Variants in PCDHA8 observed in about 807,000 individuals in gnomAD.
The protein encoded by PCDHA8 is protocadherin alpha-8.
PCDHA8 carries 53 observed loss-of-function variants against 61.8 expected under a neutral mutation model. The observed-to-expected ratio is 0.86, with a 90% CI of 0.69 to 1.08. PCDHA8 has a LOEUF of 1.08. Among genes scored for constraint, PCDHA8 ranks in the 50% least tolerant of loss-of-function variants. PCDHA8 has a pLI of 0.00. For synonymous variants in PCDHA8, 618 were observed against 556.6 expected, an observed-to-expected ratio of 1.11 and a Z score of -1.55; for missense variants, 1,293 against 1,245.0, an observed-to-expected ratio of 1.04 and a Z score of -0.58.
intron 1 of PCDHA8, among the ~76,000 whole-genome samples, chr5:140,941,202 C>CCTTTCTTCCTTTCTTTCTTTCTTT (rs1394736170): frequency 4.2e-3 from 519 of 122,694 alleles, no homozygotes; most frequent in African/African-American, 7.8e-3. Flanking sequence ...TTTCTTTCTT[C>CCTTTCTTCCTTTCTTTCTTTCTTT]CTTTCTTTCT....
chr5:141,007,775 A>G (rs1156577699), intron 3 of PCDHA8, among the ~76,000 whole-genome samples: 2 of 152,216 alleles, frequency 1.3e-5, no homozygotes, highest in Non-Finnish European at 2.9e-5. Context: ...TGGAAATGGT[A>G]CTGCTTTACA....
intron 1 of PCDHA8, among the ~76,000 whole-genome samples, chr5:140,920,983 T>C (rs1472212249): frequency 6.6e-6 from 1 of 152,106 alleles, no homozygotes; most frequent in Non-Finnish European, 1.5e-5. Context: ...AATATTGTAT[T>C]TGCTTATTTT....
chr5:141,009,874 G>A lies in PCDHA8; in HGVS notation c.2790G>A (p.Lys930=), dbSNP rs1554262519. The A allele has an allele frequency of 6.2e-7, 1 of 1,613,836 alleles. No individual in the cohort carries two copies. Among genetic ancestry groups the A allele is most frequent in the African/African-American group, 1.3e-5 (1 of 74,824 alleles). ...CCAAGAAAAAGAAGAAAAAGAAGAA[G>A]GGTAACAAGACCCAGGAGAAAAAAG... ...EETKKKKKKK[K]GNKTQEKKEK... is the part of the protein sequence containing the mutation. Residue 930 remains lysine, a synonymous_variant, in exon 4 of 4, where the codon AAG becomes AAA. Transcript: ENST00000531613.
chr5:140,903,279 A>C (rs940299316), intron 1 of PCDHA8, among the ~76,000 whole-genome samples: 1 of 152,170 alleles, frequency 6.6e-6, no homozygotes, highest in East Asian at 1.9e-4. Flanking sequence ...GTAGTGTCTC[A>C]TTGTGCATTA....
intron 1 of PCDHA8, among the ~76,000 whole-genome samples, chr5:140,873,346 T>C (rs1235906519): frequency 1.5e-4 from 23 of 152,226 alleles, no homozygotes; most frequent in African/African-American, 4.8e-4. Flanking sequence ...CATCTCCAGA[T>C]GAAATTTTTG....
chr5:141,006,794 A>G (rs1416356472), intron 3 of PCDHA8, among the ~76,000 whole-genome samples: 1 of 152,160 alleles, frequency 6.6e-6, no homozygotes, highest in African/African-American at 2.4e-5. Context: ...ATTAGCTTTG[A>G]ACTTTCTGGC....
chr5:140,967,433 C>A, intron 1 of PCDHA8: 1 of 1,613,500 alleles, frequency 6.2e-7, no homozygotes, highest in Non-Finnish European at 8.5e-7. Context: ...GGCAGCCTTG[C>A]ACCACCTGGT....
chr5:140,968,643 A>G (rs2096261293), intron 1 of PCDHA8: 1 of 1,614,198 alleles, frequency 6.2e-7, no homozygotes. Context: ...CATCTAGCCC[A>G]GACTTCTGAC....
intron 1 of PCDHA8, among the ~76,000 whole-genome samples, chr5:140,844,721 G>C (rs573731008): frequency 6.7e-6 from 1 of 149,274 alleles, no homozygotes; most frequent in Non-Finnish European, 1.5e-5. Context: ...CCATTAGTTC[G>C]TGTAAAAATA....
chr5:140,857,301 C>T (rs2044489449), intron 1 of PCDHA8: 2 of 1,598,676 alleles, frequency 1.3e-6, no homozygotes, highest in Non-Finnish European at 8.6e-7. Context: ...GAGAGGGTGT[C>T]GGCCTATGAG....
chr5:140,848,909 G>A lies in PCDHA8; in HGVS notation c.2394+5194G>A, dbSNP rs2150424301. On this transcript the variant is annotated intron_variant, in intron 1 of 3. Coordinates refer to ENST00000531613, the MANE Select transcript of PCDHA8 (RefSeq NM_018911.3). ...CTCCAGTGTTCCCAGCGACACAAAA[G>A]AATCTGTTCATCGCGGAATCCAGGC... 5 of 1,608,122 alleles carry A rather than the reference G, an allele frequency of 3.1e-6. No homozygotes were observed. In the African/African-American group the frequency reaches 4.1e-5, roughly 13 times the overall value.
At chr5:140,997,849 T>C (rs1554256029) in intron 3 of PCDHA8, among the ~76,000 whole-genome samples, 1 of 152,208 alleles carries the variant, frequency 6.6e-6, no homozygotes, top group African/African-American at 2.4e-5. Flanking sequence ...TACATTCTTA[T>C]ACATATTTCT....
chr5:140,955,975 A>G (rs2095244010), intron 1 of PCDHA8, among the ~76,000 whole-genome samples: 1 of 152,112 alleles, frequency 6.6e-6, no homozygotes, highest in Admixed American at 6.6e-5. Flanking sequence ...TAGGAATGCT[A>G]GCAATTTTTG....
chr5:140,863,019 T>A (rs781817571), intron 1 of PCDHA8: 6 of 554,136 alleles, frequency 1.1e-5, no homozygotes, highest in Admixed American at 5.7e-5. Context: ...GACGCCTGGT[T>A]GTCGCAACAG....
intron 1 of PCDHA8, among the ~76,000 whole-genome samples, chr5:140,964,992 A>G (rs1459979924): frequency 6.6e-6 from 1 of 152,098 alleles, no homozygotes; most frequent in Non-Finnish European, 1.5e-5. Flanking sequence ...CAGGCCTTTG[A>G]ATTCTGGGTG....
chr5:140,845,528 T>G (rs1779913458), intron 1 of PCDHA8, among the ~76,000 whole-genome samples: 1 of 149,556 alleles, frequency 6.7e-6, no homozygotes, highest in African/African-American at 2.4e-5. Context: ...TTAATACTTT[T>G]CACTATTCTA....
chr5:140,998,042 C>T (rs187874119), intron 3 of PCDHA8, among the ~76,000 whole-genome samples: 21 of 152,284 alleles, frequency 1.4e-4, no homozygotes, highest in Non-Finnish European at 2.2e-4. Flanking sequence ...TGTCACTTAA[C>T]TCAGTGACAT....
chr5:140,914,777 C>T (rs1476693090), intron 1 of PCDHA8, among the ~76,000 whole-genome samples: 1 of 151,924 alleles, frequency 6.6e-6, no homozygotes, highest in Non-Finnish European at 1.5e-5. Flanking sequence ...TATGACTTAT[C>T]TTATGACCCA....
At chr5:140,864,698 T>A (rs2048569561) in intron 1 of PCDHA8, 1 of 152,250 alleles carries the variant, frequency 6.6e-6, no homozygotes, top group African/African-American at 2.4e-5. Flanking sequence ...CCAGTTTAAG[T>A]TGTTGAGCTC....
Sources: gnomAD v4.1 joint callset for allele counts (sites outside exome capture counted in the v4.1 genomes callset) on GRCh38, gnomAD v4.1.1 for gene constraint, MANE v1.5 for transcripts, NCBI Gene and HGNC (gene_info 2026-07-23, HGNC 2026-07-21) for gene names.